The following NEXN variants were observed in gnomAD, a reference collection of about 807,000 sequenced individuals.
NEXN encodes the protein nexilin.
Under a neutral mutation model 92.6 loss-of-function variants are expected in NEXN, and 65 were observed. The ratio of observed to expected loss-of-function variants is 0.70; its 90% CI spans 0.57 to 0.86. NEXN has a LOEUF of 0.86. Among genes scored for constraint, NEXN ranks in the 40% least tolerant of loss-of-function variants. NEXN has a pLI of 0.00. For missense variants in NEXN, 778 were observed against 771.1 expected, an observed-to-expected ratio of 1.01 and a Z score of -0.11; for synonymous variants, 254 against 242.5, an observed-to-expected ratio of 1.05 and a Z score of -0.44.
At chr1:77,894,180 C>T (rs1488676014) in intron 1 of NEXN, among the ~76,000 whole-genome samples, 2 of 152,006 alleles carry the variant, frequency 1.3e-5, no homozygotes, top group African/African-American at 4.8e-5. Flanking sequence ...TGGTCTCGAA[C>T]TCCTGACCTC....
intron 1 of NEXN, among the ~76,000 whole-genome samples, chr1:77,899,150 A>G (rs933033634): frequency 3.5e-4 from 54 of 152,288 alleles, no homozygotes; most frequent in African/African-American, 1.2e-3. Flanking sequence ...CAGCCATCCC[A>G]TTACTGGGTA....
intron 5 of NEXN, among the ~76,000 whole-genome samples, chr1:77,919,644 C>T (rs4083559): frequency 0.71 from 105,476 of 148,366 alleles, 38,700 homozygotes; most frequent in Non-Finnish European, 0.82. Flanking sequence ...AGTGCAATGG[C>T]GCAGTCCTGG....
At chr1:77,925,094 T>C in intron 5 of NEXN, 94 bp from the exon 6 acceptor site, 1 of 796,828 alleles carries the variant, frequency 1.3e-6, no homozygotes, top group South Asian at 1.6e-5. Flanking sequence ...GAAAATTTAC[T>C]ATAAGTCACA....
At chr1:77,928,679 A>C (rs1023753696) in intron 8 of NEXN, among the ~76,000 whole-genome samples, 2 of 152,110 alleles carry the variant, frequency 1.3e-5, no homozygotes, top group African/African-American at 4.8e-5. Flanking sequence ...ACAGTAAAAA[A>C]AAAAATACAA....
chr1:77,897,944 A>G (rs1647365962), intron 1 of NEXN, among the ~76,000 whole-genome samples: 1 of 152,292 alleles, frequency 6.6e-6, no homozygotes, highest in Admixed American at 6.5e-5. Flanking sequence ...CTAGGAATCC[A>G]ACTTACAAGG....
At chr1:77,917,889 A>T (rs951290984) in intron 3 of NEXN, 71 bp from the exon 4 acceptor site, 12 of 1,465,608 alleles carry the variant, frequency 8.2e-6, no homozygotes, top group Non-Finnish European at 1.1e-5. Flanking sequence ...AACCTAATTT[A>T]AACTCTGCAT....
intron 8 of NEXN, among the ~76,000 whole-genome samples, chr1:77,928,285 T>C (rs1650025848): frequency 6.7e-6 from 1 of 149,332 alleles, no homozygotes; most frequent in South Asian, 2.1e-4. Flanking sequence ...GACTCCAGCC[T>C]GGGTGACAGA....
Position 77,942,980 on chromosome 1 carries a change from T to A in NEXN, c.*151T>A. On this transcript the variant is annotated 3_prime_UTR_variant, in exon 13 of 13. Transcript: ENST00000334785. ...TTTCTTACTACATCCATCTTTTCTG[T>A]GGCGGGGCCAAAAAAGGAAACCAGG... 8.9e-7 allele frequency: 1 copy of A among 1,129,284 alleles called. No individual in the cohort carries two copies. Among genetic ancestry groups the A allele is most frequent in the African/African-American group, 1.6e-5 (1 of 64,494 alleles). 70.0% of individuals were successfully genotyped at this position (1,129,284 alleles called of 1,614,324 possible). A position where few individuals can be genotyped will look rare whatever the true frequency, so the allele number is the denominator to read the frequency against.
chr1:77,892,550 A>T (rs1647132509), intron 1 of NEXN, among the ~76,000 whole-genome samples: 1 of 152,252 alleles, frequency 6.6e-6, no homozygotes, highest in South Asian at 2.1e-4. Context: ...ATACTTGAGT[A>T]TGCAGTCCCC....
At position 77,941,236 on chromosome 1, in the gene NEXN, CAAAA is replaced by C. The variant is rs1651277369; in HGVS notation, c.1474-786_1474-783del. The stretch of plus-strand genomic sequence containing the variant: ...CACAAATGCCTAGGTAGTTAGAAAC[CAAAA>C]GTCAAGAAACCAAAAGTCAACAACT... On this transcript the variant is annotated intron_variant, in intron 11 of 12. Coordinates refer to ENST00000334785, the MANE Select transcript of NEXN (RefSeq NM_144573.4). 6.0e-5 allele frequency among the ~76,000 whole-genome samples: 6 copies of C among 99,380 alleles called. No homozygotes were observed. The Admixed American group carries it at 6.6e-4, about 11-fold the overall frequency. 65.2% of individuals were successfully genotyped at this position (99,380 alleles called of 152,430 possible). A position where few individuals can be genotyped will look rare whatever the true frequency, so the allele number is the denominator to read the frequency against.
intron 5 of NEXN, among the ~76,000 whole-genome samples, chr1:77,922,505 G>A (rs1205018435): frequency 2.0e-5 from 3 of 152,040 alleles, no homozygotes; most frequent in African/African-American, 7.2e-5. Context: ...ATTCAACAAA[G>A]CCTTCACCAT....
At chr1:77,935,449 G>A (rs1285763075) in intron 10 of NEXN, among the ~76,000 whole-genome samples, 2 of 152,224 alleles carry the variant, frequency 1.3e-5, no homozygotes, top group Non-Finnish European at 2.9e-5. Context: ...ATCAAGGAAT[G>A]TCAGAGGATT....
chr1:77,923,679 C>CTTT (rs67301412), intron 5 of NEXN, among the ~76,000 whole-genome samples: 2 of 83,120 alleles, frequency 2.4e-5, no homozygotes, highest in African/African-American at 4.3e-5. Flanking sequence ...ATTGAGCTCT[C>CTTT]TTTTTTTTTT....
chr1:77,935,187 G>A (rs893551909), intron 10 of NEXN, among the ~76,000 whole-genome samples: 4 of 152,250 alleles, frequency 2.6e-5, no homozygotes, highest in South Asian at 2.1e-4. Flanking sequence ...ACAGGCACAA[G>A]CCACCATGCC....
At chr1:77,932,995 C>A (rs1409116642) in intron 9 of NEXN, 1 of 281,864 alleles carries the variant, frequency 3.5e-6, no homozygotes, top group Non-Finnish European at 6.8e-6. Flanking sequence ...AACCCCGTCT[C>A]TACTAAAAAT....
At chr1:77,927,102 A>C (rs895069021) in intron 8 of NEXN, among the ~76,000 whole-genome samples, 1 of 152,060 alleles carries the variant, frequency 6.6e-6, no homozygotes, top group Non-Finnish European at 1.5e-5. Context: ...TGGGTAGATC[A>C]CCTGAGGTCA....
chr1:77,943,496 G>A lies in NEXN; in HGVS notation c.*667G>A, dbSNP rs1156827469. ...TTCAGAGGAAAAGGGGAGGAGCATG[G>A]AGAAAAACAAAAATTAAAGGACTTA... is the stretch of plus-strand genomic sequence containing the variant. On this transcript the variant is annotated 3_prime_UTR_variant, in exon 13 of 13. Coordinates refer to ENST00000334785, the MANE Select transcript of NEXN (RefSeq NM_144573.4). The A allele has an allele frequency of 1.3e-5, 2 of 154,824 alleles. No homozygotes were observed. Among genetic ancestry groups the A allele is most frequent in the African/African-American group, 4.8e-5 (2 of 41,392 alleles). 9.6% of individuals were successfully genotyped at this position (154,824 alleles called of 1,614,324 possible). A position where few individuals can be genotyped will look rare whatever the true frequency, so the allele number is the denominator to read the frequency against.
chr1:77,933,571 C>G, intron 10 of NEXN, 92 bp downstream of exon 10: 1 of 978,474 alleles, frequency 1.0e-6, no homozygotes, highest in Non-Finnish European at 1.6e-6. Context: ...TTATTATTCA[C>G]CTTTAGGATA....
chr1:77,927,218 T>C (rs1649924262), intron 8 of NEXN, among the ~76,000 whole-genome samples: 1 of 151,740 alleles, frequency 6.6e-6, no homozygotes, highest in African/African-American at 2.4e-5. Flanking sequence ...GAGGTTGCAG[T>C]GAGCTGAGAT....
Sources: gnomAD v4.1 joint callset for allele counts (sites outside exome capture counted in the v4.1 genomes callset) on GRCh38, gnomAD v4.1.1 for gene constraint, MANE v1.5 for transcripts, NCBI Gene and HGNC (gene_info 2026-07-23, HGNC 2026-07-21) for gene names.